Variants in ZNF816 observed in about 807,000 individuals in gnomAD.
The protein encoded by ZNF816 is zinc finger protein 816, also known as zinc finger protein 816A.
Under a neutral mutation model 8.3 loss-of-function variants are expected in ZNF816, and 11 were observed. That is an observed-to-expected ratio of 1.32 (90% CI 0.83 to 2.19). The LOEUF is 2.19. Among genes scored for constraint, ZNF816 ranks in the 30% most tolerant of loss-of-function variants. ZNF816 has a pLI of 0.00. For missense variants in ZNF816, 710 were observed against 779.3 expected (o/e 0.91, Z 1.06); for synonymous variants, 255 against 254.5 (o/e 1.00, Z -0.02).
rs1245087447 is a variant in ZNF816 at position 52,950,605 on chromosome 19, A to G, written c.1170T>C (p.Leu390=). 19 of 1,614,048 alleles carry G rather than the reference A, an allele frequency of 1.2e-5. No individual in the cohort carries two copies. The highest frequency in any genetic ancestry group is 1.5e-5 in the Non-Finnish European group (18 of 1,180,036). The change falls in exon 4 of 4, where the codon CTT becomes CTC. Residue 390 remains leucine, a synonymous_variant. Transcript: ENST00000444460. ...ATTTGTAAGGTTTCTCTCCAGTGTG[A>G]AGTATATGATGGCATTGAAGGGATG... The part of the protein sequence containing the change: ...QKSSLQCHHI[L]HTGEKPYKCE...
At chr19:52,954,813 C>CAAAA (rs543817856) in intron 2 of ZNF816, among the ~76,000 whole-genome samples, 136 of 91,974 alleles carry the variant, frequency 1.5e-3, no homozygotes, top group Non-Finnish European at 2.1e-3. Context: ...AAAAAACATG[C>CAAAA]AAAAAAAAAA....
chr19:52,951,262 C>A lies in ZNF816; in HGVS notation c.513G>T (p.Gln171His). The A allele has an allele frequency of 6.2e-7, 1 of 1,614,164 alleles. No individual in the cohort carries two copies. Among genetic ancestry groups the A allele is most frequent in the Non-Finnish European group, 8.5e-7 (1 of 1,180,018 alleles). The change falls in exon 4 of 4, where the codon CAG (glutamine) becomes CAT (histidine). Residue 171 changes from glutamine to histidine, a missense_variant. Gln to His is a conservative substitution (Grantham distance 24). Coordinates refer to ENST00000444460, the MANE Select transcript of ZNF816 (RefSeq NM_001202457.3). ...ATTGGTTACTAATTTTCCCTTTAGT[C>A]TGAAACATGTGGAGTTCAGGCAGAT... ...HSHLPELHMF[Q>H]TKGKISNQLD...
At chr19:52,954,806 A>T (rs2083495261) in intron 2 of ZNF816, among the ~76,000 whole-genome samples, 4 of 144,480 alleles carry the variant, frequency 2.8e-5, no homozygotes, top group Non-Finnish European at 6.0e-5. Flanking sequence ...CTGTCTCAAA[A>T]AACATGCAAA....
intron 1 of ZNF816, among the ~76,000 whole-genome samples, chr19:52,958,287 C>T (rs756897274): frequency 6.6e-6 from 1 of 152,216 alleles, no homozygotes; most frequent in African/African-American, 2.4e-5. Flanking sequence ...AACCCGTACA[C>T]GTTAAGGTTG....
At position 52,956,034 on chromosome 19, in the gene ZNF816, A is replaced by T; in HGVS notation, c.56T>A (p.Leu19His). The T allele has an allele frequency of 6.2e-7, 1 of 1,610,632 alleles. No individual in the cohort carries two copies. Among genetic ancestry groups the T allele is most frequent in the Non-Finnish European group, 8.5e-7 (1 of 1,179,074 alleles). ...CCAAGGAATATCACTTACCTGAGGA[A>T]GAGCCATCCCTGGCTCCTTTTCTTT... Reference protein sequence around the residue: ...KSKEKEPGMALPQGRLTFRDV... With the variant: ...KSKEKEPGMAHPQGRLTFRDV... The change falls in exon 2 of 4, where the codon CTT (leucine) becomes CAT (histidine). Residue 19 changes from leucine (L) to histidine (H), a missense_variant. Leu to His is a moderately conservative substitution (Grantham distance 99, BLOSUM62 -3). Coordinates refer to ENST00000444460, the MANE Select transcript of ZNF816 (RefSeq NM_001202457.3).
intron 1 of ZNF816, 186 bp from the exon 2 acceptor site, chr19:52,956,290 T>C: frequency 6.7e-6 from 4 of 600,950 alleles, no homozygotes; most frequent in Non-Finnish European, 1.1e-5. Context: ...TTGACCCGTT[T>C]TCAGATCTTG....
chr19:52,959,646 G>A (rs1359603850), intron 1 of ZNF816, among the ~76,000 whole-genome samples: 2 of 152,060 alleles, frequency 1.3e-5, no homozygotes, highest in East Asian at 1.9e-4. Flanking sequence ...ACTGACTCTC[G>A]GTATGCCTTT....
chr19:52,951,142 G>A lies in ZNF816; in HGVS notation c.633C>T (p.Phe211=), dbSNP rs150172701. ...THISNKYGKN[F]LHSSFTQIQE... ...GTATTTGTGTGAATGAAGAATGGAG[G>A]AAATTCTTCCCATACTTATTAGAAA... The change falls in exon 4 of 4, where the codon TTC becomes TTT. Residue 211 remains phenylalanine (F), a synonymous_variant. Transcript: ENST00000444460. The A allele has an allele frequency of 3.1e-6, 5 of 1,613,952 alleles. No individual in the cohort carries two copies. The highest frequency in any genetic ancestry group is 1.1e-5 in the South Asian group (1 of 91,076).
chr19:52,953,029 T>C (rs532144492), intron 2 of ZNF816, 152 bp from the exon 3 acceptor site: 13 of 1,370,794 alleles, frequency 9.5e-6, no homozygotes, highest in African/African-American at 3.0e-5. Flanking sequence ...TTTTTCAGTA[T>C]AGTTGCATTT....
intron 2 of ZNF816, 51 bp from the exon 3 acceptor site, chr19:52,952,928 G>A: frequency 1.3e-6 from 2 of 1,550,228 alleles, no homozygotes; most frequent in South Asian, 2.4e-5. Flanking sequence ...GTGAGTTATT[G>A]CCCTCACGTG....
chr19:52,962,649 CCA>C (rs1299905241), intron 1 of ZNF816, 76 bp downstream of exon 1: 3 of 152,246 alleles, frequency 2.0e-5, no homozygotes, highest in Non-Finnish European at 1.5e-5. Flanking sequence ...CTGCACGGCC[CCA>C]CTGCAGAAAG....
rs2083471586 is a variant in ZNF816 at position 52,952,838 on chromosome 19, A to G, written c.103T>C (p.Leu35=). The G allele has an allele frequency of 6.2e-7, 1 of 1,613,164 alleles. No individual in the cohort carries two copies. The highest frequency in any genetic ancestry group is 8.5e-7 in the Non-Finnish European group (1 of 1,179,762). The change falls in exon 3 of 4, where the codon TTG becomes CTG. Residue 35 remains leucine (L), a synonymous_variant. Coordinates refer to ENST00000444460, the MANE Select transcript of ZNF816 (RefSeq NM_001202457.3). The part of the protein sequence containing the change: ...TFRDVAIEFS[L]EEWKCLNPAQ... ...GGGTTCAGGCATTTCCACTCCTCCAAAGAGAACTCTATAGCCACATCCCTG... is the reference window on the plus strand; with the variant it reads ...GGGTTCAGGCATTTCCACTCCTCCAGAGAGAACTCTATAGCCACATCCCTG...
At position 52,950,377 on chromosome 19, in the gene ZNF816, T is replaced by G; in HGVS notation, c.1398A>C (p.Ser466=). The G allele has an allele frequency of 6.2e-7, 1 of 1,613,800 alleles. No homozygotes were observed. Among genetic ancestry groups the G allele is most frequent in the Non-Finnish European group, 8.5e-7 (1 of 1,179,902 alleles). ...GAAGTGTATGATGGTATTGAAGGGATGACTTCCGACTGAAACTCCTGCCAC... is the reference window on the plus strand; with the variant it reads ...GAAGTGTATGATGGTATTGAAGGGAGGACTTCCGACTGAAACTCCTGCCAC... ...NKCGRSFSRK[S]SLQYHHTLHT... Residue 466 remains serine, a synonymous_variant, in exon 4 of 4, where the codon TCA becomes TCC. Transcript: ENST00000444460.
intron 1 of ZNF816, among the ~76,000 whole-genome samples, chr19:52,959,616 G>A (rs1282103453): frequency 6.6e-6 from 1 of 152,102 alleles, no homozygotes; most frequent in African/African-American, 2.4e-5. Flanking sequence ...CTCAGTGAAG[G>A]TAAGACTGAA....
chr19:52,956,734 GACC>G (rs2083513883), intron 1 of ZNF816, among the ~76,000 whole-genome samples: 1 of 152,174 alleles, frequency 6.6e-6, no homozygotes, highest in Non-Finnish European at 1.5e-5. Flanking sequence ...GTAGGAAGCA[GACC>G]ACCACTTCTC....
intron 1 of ZNF816, 200 bp from the exon 2 acceptor site, chr19:52,956,304 C>T: frequency 1.9e-6 from 1 of 537,542 alleles, no homozygotes; most frequent in Non-Finnish European, 3.2e-6. Context: ...GATCTTGCTC[C>T]CCTCCTGGAA....
intron 2 of ZNF816, among the ~76,000 whole-genome samples, chr19:52,954,865 A>AT (rs1193827692): frequency 3.3e-5 from 5 of 151,688 alleles, no homozygotes; most frequent in South Asian, 4.2e-4. Flanking sequence ...CTAAAATCTC[A>AT]TAACGGTATA....
intron 2 of ZNF816, among the ~76,000 whole-genome samples, 180 bp from the exon 3 acceptor site, chr19:52,953,057 A>G (rs2092810772): frequency 6.6e-6 from 1 of 152,066 alleles, no homozygotes; most frequent in Non-Finnish European, 1.5e-5. Context: ...CTTTTTCATG[A>G]TAGCTTTTAA....
chr19:52,949,996 G>C lies in ZNF816; in HGVS notation c.1779C>G (p.Tyr593Ter). The C allele has an allele frequency of 6.2e-7, 1 of 1,614,002 alleles. No homozygotes were observed. Among genetic ancestry groups the C allele is most frequent in the Non-Finnish European group, 8.5e-7 (1 of 1,179,934 alleles). ...AAACCTTGCCACATTCATTACACTT[G>C]TAAGGTTTCTCTCCAGTATGAACTC... ...HQRVHTGEKP[Y>*]KCNECGKVFN... Residue 593 changes from tyrosine (Y) to a stop codon, truncating the protein, a stop_gained, in exon 4 of 4, where the codon TAC becomes TAG. Transcript: ENST00000444460. LOFTEE classifies it low-confidence loss of function (END_TRUNC).
Sources: allele counts gnomAD v4.1 joint callset (sites outside exome capture counted in the v4.1 genomes callset), GRCh38; gene constraint gnomAD v4.1.1; transcripts MANE v1.5; gene names NCBI Gene and HGNC (gene_info 2026-07-23, HGNC 2026-07-21).